The following SRC variants were observed in gnomAD, a reference collection of about 807,000 sequenced individuals.
The protein encoded by SRC is proto-oncogene tyrosine-protein kinase Src.
Under a neutral mutation model 62.9 loss-of-function variants are expected in SRC, and 13 were observed. That is an observed-to-expected ratio of 0.21 (90% CI 0.13 to 0.33). The LOEUF (loss-of-function observed/expected upper bound fraction) is 0.33. Ranked by LOEUF, SRC falls within the 10% of genes least tolerant of loss-of-function variation. SRC has a pLI of 1.00. For missense variants in SRC, 457 were observed against 737.3 expected (o/e 0.62, Z 4.40); for synonymous variants, 302 against 317.5 (o/e 0.95, Z 0.52).
intron 1 of SRC, among the ~76,000 whole-genome samples, chr20:37,360,218 C>CTTTTTTTTTTTTTTTTTTTT (rs61476973): frequency 5.7e-5 from 6 of 105,630 alleles, no homozygotes; most frequent in African/African-American, 2.4e-4. Context: ...CTCTCTCTCT[C>CTTTTTTTTTTTTTTTTTTTT]TTTTTTTTTT....
chr20:37,391,315 G>C (rs897788299), intron 5 of SRC, among the ~76,000 whole-genome samples: 1 of 152,168 alleles, frequency 6.6e-6, no homozygotes, highest in Non-Finnish European at 1.5e-5. Context: ...CTGGGGCCTG[G>C]GGAGGCCCTA....
At chr20:37,373,398 TATATATACGC>T (rs1037803774) in intron 2 of SRC, among the ~76,000 whole-genome samples, 23 of 151,582 alleles carry the variant, frequency 1.5e-4, no homozygotes, top group South Asian at 6.3e-4. Context: ...CATATATGCG[TATATATACGC>T]ATATATACGC....
chr20:37,395,745 A>T (rs1293143058), intron 7 of SRC, among the ~76,000 whole-genome samples: 3 of 152,208 alleles, frequency 2.0e-5, no homozygotes, highest in Non-Finnish European at 4.4e-5. Context: ...ACAGGGAGCC[A>T]CTCACAGGCT....
At chr20:37,373,585 C>G (rs80047195) in intron 2 of SRC, among the ~76,000 whole-genome samples, 1 of 152,188 alleles carries the variant, frequency 6.6e-6, no homozygotes. Context: ...GTTGGGATTA[C>G]AGGCGTAAGC....
chr20:37,366,823 T>C (rs181577977), intron 2 of SRC, among the ~76,000 whole-genome samples: 43 of 152,386 alleles, frequency 2.8e-4, no homozygotes, highest in Admixed American at 6.5e-4. Flanking sequence ...GTAATGCTGT[T>C]CTGGACATTC....
upstream of SRC, among the ~76,000 whole-genome samples, chr20:37,345,827 G>A (rs1038069708): frequency 2.0e-5 from 3 of 152,176 alleles, no homozygotes; most frequent in Non-Finnish European, 2.9e-5. Flanking sequence ...GGGTTGGGGA[G>A]GGCATTTTGG....
chr20:37,373,250 G>A lies in SRC; in HGVS notation c.-173+7973G>A, dbSNP rs545045806. ...TACACACATGCACATATGTACACAC[G>A]CACACACATGTACATACGCACACAC... On this transcript the variant is annotated intron_variant, in intron 2 of 13. Transcript: ENST00000373578. 8.1e-4 allele frequency among the ~76,000 whole-genome samples: 69 copies of A among 85,168 alleles called. 1 individual carries two copies. The highest frequency in any genetic ancestry group is 1.9e-3 in the Admixed American group (19 of 9,786). 55.9% of individuals were successfully genotyped at this position (85,168 alleles called of 152,430 possible).
In SRC at chr20:37,404,901, T is replaced by TGCGTGTCTCCATGTGC. The variant is rs1265174960; in HGVS notation, c.*1524_*1539dup. ...GTGTGTGTGTATGTGTGTGCATGTG[T>TGCGTGTCTCCATGTGC]GCGTGTCTCCATGTGCGTCCATATT... On this transcript the variant is annotated 3_prime_UTR_variant, in exon 14 of 14. Coordinates refer to ENST00000373578, the MANE Select transcript of SRC (RefSeq NM_198291.3). 12 of 233,768 alleles carry TGCGTGTCTCCATGTGC rather than the reference T, an allele frequency of 5.1e-5. No individual in the cohort carries two copies. The highest frequency in any genetic ancestry group is 9.3e-5 in the Non-Finnish European group (11 of 118,200). The allele number at this position is 233,768 out of a possible 1,614,324, so 14.5% of individuals were successfully genotyped here.
intron 2 of SRC, among the ~76,000 whole-genome samples, chr20:37,365,706 TC>T (rs1164742449): frequency 6.6e-6 from 1 of 152,038 alleles, no homozygotes; most frequent in Non-Finnish European, 1.5e-5. Context: ...CACCTCAGTG[TC>T]CCAAGGAGCT....
chr20:37,345,860 G>A (rs2069708159), upstream of SRC, among the ~76,000 whole-genome samples: 1 of 152,166 alleles, frequency 6.6e-6, no homozygotes, highest in South Asian at 2.1e-4. Context: ...TGGGGCCCGC[G>A]GGGTGCGGCG....
intron 2 of SRC, among the ~76,000 whole-genome samples, chr20:37,377,979 G>A (rs1420792649): frequency 6.6e-6 from 1 of 151,800 alleles, no homozygotes; most frequent in Non-Finnish European, 1.5e-5. Flanking sequence ...TCACATCAGG[G>A]TAAGTAGGGT....
chr20:37,401,557 C>T (rs1477681002), intron 10 of SRC, 45 bp from the exon 11 acceptor site: 1 of 1,507,254 alleles, frequency 6.6e-7, no homozygotes, highest in East Asian at 2.4e-5. Context: ...TGCATCCTGG[C>T]AGAGGGACAG....
rs1310129468 is a variant in SRC at position 37,400,113 on chromosome 20, A to G, written c.860-2A>G. 6.2e-7 allele frequency: 1 copy of G among 1,600,108 alleles called. No homozygotes were observed. Reference sequence around the variant, plus strand: ...GAGTCAGCCTGCATCCCTCCTCAACAGGGACCTGGAACGGTACCACCAGGG... The same window carrying G: ...GAGTCAGCCTGCATCCCTCCTCAACGGGGACCTGGAACGGTACCACCAGGG... On this transcript the variant is annotated splice_acceptor_variant, in intron 9 of 13. Coordinates refer to ENST00000373578, the MANE Select transcript of SRC (RefSeq NM_198291.3). LOFTEE classifies it high-confidence loss of function.
chr20:37,400,484 C>T (rs1568645552), intron 10 of SRC, among the ~76,000 whole-genome samples, 190 bp downstream of exon 10: 1 of 152,252 alleles, frequency 6.6e-6, no homozygotes, highest in South Asian at 2.1e-4. Context: ...CTTCCAGGCT[C>T]AAGCAGTTCT....
At chr20:37,379,817 A>T (rs1325623005) in intron 2 of SRC, among the ~76,000 whole-genome samples, 1 of 148,176 alleles carries the variant, frequency 6.7e-6, no homozygotes, top group African/African-American at 2.5e-5. Flanking sequence ...AACCGCTGGA[A>T]CCCGGGAGGC....
At chr20:37,372,184 G>A (rs978704597) in intron 2 of SRC, among the ~76,000 whole-genome samples, 35 of 115,862 alleles carry the variant, frequency 3.0e-4, no homozygotes, top group African/African-American at 1.7e-3. Flanking sequence ...GTGTGTGTGT[G>A]TTTTTTAGAG....
At position 37,402,354 on chromosome 20, in the gene SRC, G is replaced by A; in HGVS notation, c.1117-81G>A. ...GGGGAGGGTGGGGAAGGGGTGGTTG[G>A]CTCTCCAGCCCCAGAGTGCTCTGTG... is the stretch of plus-strand genomic sequence containing the variant. On this transcript the variant is annotated intron_variant, in intron 11 of 13. Coordinates refer to ENST00000373578, the MANE Select transcript of SRC (RefSeq NM_198291.3). The surrounding 1 kb of genome is among the most constrained non-coding windows in gnomAD (Gnocchi z 6.2). 7 of 1,540,302 alleles carry A rather than the reference G, an allele frequency of 4.5e-6. No individual in the cohort carries two copies. Among genetic ancestry groups the A allele is most frequent in the South Asian group, 1.2e-5 (1 of 83,304 alleles).
In SRC at chr20:37,402,262, G is replaced by A; in HGVS notation, c.1117-173G>A. 1.4e-6 allele frequency: 1 copy of A among 723,452 alleles called. No homozygotes were observed. The highest frequency in any genetic ancestry group is 2.2e-6 in the Non-Finnish European group (1 of 449,336). The allele number at this position is 723,452 out of a possible 1,614,324, so 44.8% of individuals were successfully genotyped here. A position where few individuals can be genotyped will look rare whatever the true frequency, so the allele number is the denominator to read the frequency against. ...GCCCTGTGCTCCCTACTCCCGCAGAGCACTGCTCCTGCTTTCGATGCCAAC... is the reference window on the plus strand; with the variant it reads ...GCCCTGTGCTCCCTACTCCCGCAGAACACTGCTCCTGCTTTCGATGCCAAC... On this transcript the variant is annotated intron_variant, in intron 11 of 13. Transcript: ENST00000373578. This position sits in a 1 kb window ranked among gnomAD's most constrained non-coding sequence, Gnocchi z 6.2.
intron 2 of SRC, among the ~76,000 whole-genome samples, chr20:37,376,479 A>C (rs141677498): frequency 5.9e-4 from 90 of 152,302 alleles, no homozygotes; most frequent in African/African-American, 2.0e-3. Context: ...TGAACCTGGC[A>C]TTCTGGCCCC....
Sources: gnomAD v4.1 joint callset for allele counts (sites outside exome capture counted in the v4.1 genomes callset) on GRCh38, gnomAD v4.1.1 for gene constraint, Gnocchi (gnomAD v3.1) non-coding constraint, MANE v1.5 for transcripts, NCBI Gene and HGNC (gene_info 2026-07-23, HGNC 2026-07-21) for gene names.